XIRP2: variants seen among roughly 807,000 people sequenced by gnomAD.
XIRP2 encodes the protein xin actin-binding repeat-containing protein 2.
In XIRP2, 236 loss-of-function variants were observed where a neutral mutation model predicts 277.0. The observed-to-expected ratio is 0.85, with a 90% CI of 0.77 to 0.95. The LOEUF (loss-of-function observed/expected upper bound fraction) is 0.95. Ranked by LOEUF, XIRP2 falls within the 40% of genes least tolerant of loss-of-function variation. The pLI, the probability that XIRP2 is intolerant of heterozygous loss-of-function variation, is 0.00. For synonymous variants in XIRP2, 1,490 were observed against 1,416.5 expected (o/e 1.05, Z -1.17); for missense variants, 4,640 against 4,157.5 (o/e 1.12, Z -3.19).
chr2:166,934,478 A>G (rs557575471), intron 2 of XIRP2, among the ~76,000 whole-genome samples: 103 of 152,340 alleles, frequency 6.8e-4, no homozygotes, highest in Middle Eastern at 3.4e-3. Context: ...CCCCAAGTGC[A>G]GCCTATTGAG....
intron 2 of XIRP2, among the ~76,000 whole-genome samples, chr2:166,928,840 G>C (rs907529510): frequency 7.9e-5 from 12 of 152,018 alleles, no homozygotes; most frequent in Admixed American, 3.3e-4. Context: ...GCCTATCAGG[G>C]TGATAGGCAC....
chr2:167,134,646 C>T (rs903105724), intron 2 of XIRP2, among the ~76,000 whole-genome samples: 2 of 152,058 alleles, frequency 1.3e-5, no homozygotes, highest in African/African-American at 2.4e-5. Flanking sequence ...CATATAGTAC[C>T]GAACCCTACA....
intron 2 of XIRP2, among the ~76,000 whole-genome samples, chr2:166,961,082 G>A (rs1247265927): frequency 6.6e-6 from 1 of 151,728 alleles, no homozygotes; most frequent in Non-Finnish European, 1.5e-5. Flanking sequence ...GCTCTGGGCT[G>A]TATACCACAG....
chr2:167,037,116 C>T (rs1461642716), intron 2 of XIRP2, among the ~76,000 whole-genome samples: 2 of 152,118 alleles, frequency 1.3e-5, no homozygotes, highest in Non-Finnish European at 2.9e-5. Context: ...CTGGAGACTT[C>T]AGCACTCCAC....
chr2:166,984,548 G>A (rs370411311), intron 2 of XIRP2, among the ~76,000 whole-genome samples: 1 of 152,028 alleles, frequency 6.6e-6, no homozygotes, highest in Non-Finnish European at 1.5e-5. Context: ...ATAAATATCT[G>A]CAGGAAAAAG....
intron 2 of XIRP2, among the ~76,000 whole-genome samples, chr2:166,970,288 T>G (rs1179911022): frequency 1.3e-5 from 2 of 152,028 alleles, no homozygotes; most frequent in African/African-American, 4.8e-5. Context: ...AGGAATGGGT[T>G]TTAACACAGT....
At chr2:167,255,173 G>A (rs1245504411) in intron 10 of XIRP2, among the ~76,000 whole-genome samples, 2 of 151,666 alleles carry the variant, frequency 1.3e-5, no homozygotes, top group African/African-American at 4.8e-5. Flanking sequence ...TCTTTCTAGT[G>A]AATCACATCC....
At chr2:167,051,746 A>T (rs545465967) in intron 2 of XIRP2, among the ~76,000 whole-genome samples, 4 of 152,100 alleles carry the variant, frequency 2.6e-5, no homozygotes, top group African/African-American at 9.7e-5. Context: ...ATATACAGAC[A>T]AAGATATTCT....
At position 167,251,831 on chromosome 2, in the gene XIRP2, T is replaced by G. The variant is rs1338279626; in HGVS notation, c.10439T>G (p.Phe3480Cys). Residue 3480 changes from phenylalanine to cysteine, a missense_variant, in exon 9 of 11, where the codon TTT becomes TGT. Coordinates refer to ENST00000409195, the MANE Select transcript of XIRP2 (RefSeq NM_152381.6). Reference protein sequence around the residue: ...SDSPKEVRKNFQKTWQESGRV... With the variant: ...SDSPKEVRKNCQKTWQESGRV... ...TCACCTAAAGAAGTAAGAAAAAATT[T>G]TCAAAAGACGTGGCAAGAGAGTGGA... 1.2e-6 allele frequency: 2 copies of G among 1,613,212 alleles called. No individual in the cohort carries two copies. Among genetic ancestry groups the G allele is most frequent in the Non-Finnish European group, 1.7e-6 (2 of 1,179,574 alleles).
chr2:167,229,081 G>C (rs562480909), intron 5 of XIRP2, among the ~76,000 whole-genome samples: 1 of 152,214 alleles, frequency 6.6e-6, no homozygotes, highest in South Asian at 2.1e-4. Context: ...CACAGCAAGA[G>C]TTTCCTCCAT....
chr2:167,096,377 G>C (rs1353472980), intron 2 of XIRP2, among the ~76,000 whole-genome samples: 12 of 152,014 alleles, frequency 7.9e-5, no homozygotes, highest in African/African-American at 2.9e-4. Context: ...TTGTATTTCT[G>C]TGGGATCAGT....
chr2:167,246,377 C>T lies in XIRP2; in HGVS notation c.4985C>T (p.Ala1662Val), dbSNP rs765296063. 1.9e-5 allele frequency: 30 copies of T among 1,612,888 alleles called. No individual in the cohort carries two copies. The African/African-American group carries it at 3.1e-4, about 17-fold the overall frequency. The part of the protein sequence containing the change: ...EEIVKGDVQQ[A>V]IKNLFSEERS... The stretch of plus-strand genomic sequence containing the variant: ...ATAGTGAAAGGTGATGTACAACAAG[C>T]AATAAAAAACCTGTTCTCTGAGGAA... The change falls in exon 9 of 11, where the codon GCA (alanine) becomes GTA (valine). Residue 1662 changes from alanine to valine, a missense_variant. Ala to Val is a moderately conservative substitution (Grantham distance 64, BLOSUM62 0). Transcript: ENST00000409195.
At chr2:167,215,146 G>C (rs1310696796) in intron 4 of XIRP2, among the ~76,000 whole-genome samples, 1 of 152,122 alleles carries the variant, frequency 6.6e-6, no homozygotes, top group Non-Finnish European at 1.5e-5. Flanking sequence ...AATGGCAGAA[G>C]GGGTAAAATA....
chr2:166,892,981 T>TACACACACAC (rs768482855), intron 1 of XIRP2, among the ~76,000 whole-genome samples: 18 of 143,104 alleles, frequency 1.3e-4, no homozygotes, highest in African/African-American at 3.0e-4. Flanking sequence ...TATATGTATA[T>TACACACACAC]ACACACACAC....
At chr2:167,052,514 A>T (rs768617135) in intron 2 of XIRP2, among the ~76,000 whole-genome samples, 19 of 152,180 alleles carry the variant, frequency 1.2e-4, no homozygotes, top group Non-Finnish European at 2.5e-4. Flanking sequence ...ATCAAAAAGG[A>T]TTAACTTGAA....
chr2:167,205,563 A>G (rs1693831838), intron 3 of XIRP2, among the ~76,000 whole-genome samples: 1 of 151,984 alleles, frequency 6.6e-6, no homozygotes, highest in South Asian at 2.1e-4. Context: ...TCATAGTGGG[A>G]TGGTATCTTT....
At chr2:166,913,310 ACC>A (rs58517509) in intron 2 of XIRP2, among the ~76,000 whole-genome samples, 217 of 114,924 alleles carry the variant, frequency 1.9e-3, no homozygotes, top group South Asian at 9.3e-3. Context: ...AATGGTGGGC[ACC>A]CCCCCCCCCC....
intron 2 of XIRP2, among the ~76,000 whole-genome samples, chr2:166,940,833 A>G (rs1391364579): frequency 6.6e-6 from 1 of 152,136 alleles, no homozygotes; most frequent in African/African-American, 2.4e-5. Context: ...GTACCTGGCC[A>G]TGTGGGGTGT....
At chr2:167,011,367 ATTACAT>A (rs935555020) in intron 2 of XIRP2, among the ~76,000 whole-genome samples, 1 of 151,284 alleles carries the variant, frequency 6.6e-6, no homozygotes, top group Non-Finnish European at 1.5e-5. Flanking sequence ...TATATGCTGG[ATTACAT>A]TTATTGATTT....
Sources: allele counts gnomAD v4.1 joint callset (sites outside exome capture counted in the v4.1 genomes callset), GRCh38; gene constraint gnomAD v4.1.1; transcripts MANE v1.5; gene names NCBI Gene and HGNC (gene_info 2026-07-23, HGNC 2026-07-21).